COL5A1: variants seen among roughly 807,000 people sequenced by gnomAD.
COL5A1 encodes collagen alpha-1(V) chain.
In COL5A1, 16 loss-of-function variants were observed where a neutral mutation model predicts 263.7. The ratio of observed to expected loss-of-function variants is 0.06; its 90% CI spans 0.04 to 0.09. COL5A1 has a LOEUF of 0.09. Among genes scored for constraint, COL5A1 ranks in the 10% least tolerant of loss-of-function variants. The pLI, the probability that COL5A1 is intolerant of heterozygous loss-of-function variation, is 1.00. For missense variants in COL5A1, 2,036 were observed against 2,540.5 expected (o/e 0.80, Z 4.27); for synonymous variants, 1,012 against 1,004.5 (o/e 1.01, Z -0.14).
At chr9:134,767,271 C>G (rs200951893) in intron 23 of COL5A1, 39 bp from the exon 24 acceptor site, 2 of 1,596,834 alleles carry the variant, frequency 1.3e-6, no homozygotes, top group Admixed American at 1.7e-5. Flanking sequence ...AGTCAATCAG[C>G]GCCCTCACCT....
At chr9:134,779,952 G>A in intron 27 of COL5A1, 150 bp from the exon 28 acceptor site, 1 of 840,910 alleles carries the variant, frequency 1.2e-6, no homozygotes, top group South Asian at 1.3e-5. Context: ...AGGCCACAGG[G>A]GGACATATGG....
chr9:134,828,023 CCAGGGATCAGT>C (rs1163867604), intron 63 of COL5A1, among the ~76,000 whole-genome samples: 1 of 152,184 alleles, frequency 6.6e-6, no homozygotes, highest in Non-Finnish European at 1.5e-5. Flanking sequence ...GGGGGATCAG[CCAGGGATCAGT>C]CTTCTGTGTC....
chr9:134,699,443 T>A (rs1833592314), intron 2 of COL5A1, among the ~76,000 whole-genome samples: 1 of 152,024 alleles, frequency 6.6e-6, no homozygotes, highest in African/African-American at 2.4e-5. Flanking sequence ...CCTTCCTCTC[T>A]CTGCTTCCTC....
At chr9:134,733,932 CG>C (rs1251256032) in intron 9 of COL5A1, among the ~76,000 whole-genome samples, 3 of 152,266 alleles carry the variant, frequency 2.0e-5, no homozygotes, top group African/African-American at 7.2e-5. Context: ...GGTCCTTGCT[CG>C]GGGAGGAAGA....
chr9:134,801,540 G>A (rs60738936), intron 37 of COL5A1, among the ~76,000 whole-genome samples: 7,372 of 152,302 alleles, frequency 0.048, 611 homozygotes, highest in African/African-American at 0.17. Flanking sequence ...TGTAATCCCC[G>A]CACTTTGGGA....
chr9:134,821,057 A>C lies in COL5A1; in HGVS notation c.4554+834A>C, dbSNP rs1276025126. Among the ~76,000 whole-genome samples, 1 of 152,038 alleles carries C rather than the reference A, an allele frequency of 6.6e-6. No individual in the cohort carries two copies. Among genetic ancestry groups the C allele is most frequent in the Non-Finnish European group, 1.5e-5 (1 of 67,996 alleles). The stretch of plus-strand genomic sequence containing the variant: ...AGGACATGGCTGAAGGGTGGAGCTC[A>C]TTGCAAACCCTACCTCACTGGCCAG... On this transcript the variant is annotated intron_variant, in intron 58 of 65. Coordinates refer to ENST00000371817, the MANE Select transcript of COL5A1 (RefSeq NM_000093.5). This position sits in a 1 kb window ranked among gnomAD's most constrained non-coding sequence, Gnocchi z 4.2.
At chr9:134,744,369 G>A (rs1835398571) in intron 11 of COL5A1, among the ~76,000 whole-genome samples, 1 of 145,252 alleles carries the variant, frequency 6.9e-6, no homozygotes. Flanking sequence ...ATGCATACAT[G>A]CCCACACATG....
intron 35 of COL5A1, 137 bp downstream of exon 35, chr9:134,796,555 C>T: frequency 1.1e-6 from 1 of 942,662 alleles, no homozygotes; most frequent in South Asian, 1.4e-5. Flanking sequence ...TTCCTAAGAT[C>T]CCAAGGGTGG....
At chr9:134,730,532 TG>T in intron 7 of COL5A1, 57 bp downstream of exon 7, 2 of 1,609,312 alleles carry the variant, frequency 1.2e-6, no homozygotes, top group Admixed American at 3.3e-5. Context: ...GGGCCAGGGC[TG>T]GGGCCACAAT....
rs188056781 is a variant in COL5A1 at position 134,827,123 on chromosome 9, T to C, written c.5067+1219T>C. Among the ~76,000 whole-genome samples, 25 of 152,312 alleles carry C rather than the reference T, an allele frequency of 1.6e-4. No individual in the cohort carries two copies. In the East Asian group the frequency reaches 4.8e-3, roughly 29 times the overall value. On this transcript the variant is annotated intron_variant, in intron 63 of 65. Transcript: ENST00000371817. ...TTTCTGGGGCCGCAGCGGTTTGCTG[T>C]GCAGGTCCAGACCTGTGCGCCCCTG...
intron 38 of COL5A1, among the ~76,000 whole-genome samples, chr9:134,802,471 G>A (rs937631620): frequency 1.3e-5 from 2 of 152,228 alleles, no homozygotes; most frequent in African/African-American, 4.8e-5. Context: ...CCTAGAAAGC[G>A]CACACCTCAT....
chr9:134,770,587 A>T (rs1338644763), intron 25 of COL5A1, among the ~76,000 whole-genome samples: 1 of 152,264 alleles, frequency 6.6e-6, no homozygotes, highest in Admixed American at 6.5e-5. Flanking sequence ...CAGAGACGAC[A>T]GATGATTCTA....
At chr9:134,723,000 A>G (rs756306162) in intron 4 of COL5A1, among the ~76,000 whole-genome samples, 6 of 152,146 alleles carry the variant, frequency 3.9e-5, no homozygotes, top group Non-Finnish European at 8.8e-5. Flanking sequence ...GTTTACTGTG[A>G]TGGGGTCTCA....
chr9:134,749,786 C>A (rs1835708812), intron 11 of COL5A1, among the ~76,000 whole-genome samples: 1 of 152,226 alleles, frequency 6.6e-6, no homozygotes, highest in Admixed American at 6.5e-5. Flanking sequence ...TTTAGGCCAG[C>A]TGAGAATCTG....
At position 134,731,807 on chromosome 9, in the gene COL5A1, AGAGACCTCG is replaced by A. The variant is rs1361910319; in HGVS notation, c.1332+146_1332+154del. ...CCTATTCCCAAAACTTTATTTTTAA[AGAGACCTCG>A]GTGCCTCGAATTTGCTCTGAATAAC... On this transcript the variant is annotated intron_variant, in intron 8 of 65. Coordinates refer to ENST00000371817, the MANE Select transcript of COL5A1 (RefSeq NM_000093.5). 4.0e-6 allele frequency: 4 copies of A among 994,628 alleles called. No homozygotes were observed. The East Asian group carries it at 1.0e-4, about 25-fold the overall frequency. 61.6% of individuals were successfully genotyped at this position (994,628 alleles called of 1,614,324 possible).
At chr9:134,827,167 A>C (rs1839318858) in intron 63 of COL5A1, among the ~76,000 whole-genome samples, 1 of 152,282 alleles carries the variant, frequency 6.6e-6, no homozygotes, top group East Asian at 1.9e-4. Context: ...GCTTCCTAAC[A>C]ACCTCAGTGC....
chr9:134,786,794 G>C (rs1022997831), intron 31 of COL5A1, among the ~76,000 whole-genome samples: 1 of 152,116 alleles, frequency 6.6e-6, no homozygotes, highest in Non-Finnish European at 1.5e-5. Context: ...CAGCCGAAGC[G>C]GGGTCCCGTC....
intron 1 of COL5A1, among the ~76,000 whole-genome samples, chr9:134,658,496 G>A (rs964912531): frequency 6.6e-6 from 1 of 152,100 alleles, no homozygotes; most frequent in Non-Finnish European, 1.5e-5. Flanking sequence ...GTCCTTGCAC[G>A]CCCTGGGCCC....
intron 19 of COL5A1, 23 bp from the exon 20 acceptor site, chr9:134,763,670 C>G: frequency 6.2e-7 from 1 of 1,613,074 alleles, no homozygotes; most frequent in Non-Finnish European, 8.5e-7. Flanking sequence ...TTTCTCTAAC[C>G]TTGCCTTTTT....
Sources: allele counts gnomAD v4.1 joint callset (sites outside exome capture counted in the v4.1 genomes callset), GRCh38; gene constraint gnomAD v4.1.1; non-coding constraint Gnocchi (gnomAD v3.1); transcripts MANE v1.5; gene names NCBI Gene and HGNC (gene_info 2026-07-23, HGNC 2026-07-21).